Variants in NAP1L1 observed in about 807,000 individuals in gnomAD.
NAP1L1 encodes the protein nucleosome assembly protein 1 like 1.
Under a neutral mutation model 58.9 loss-of-function variants are expected in NAP1L1, and 9 were observed. The ratio of observed to expected loss-of-function variants is 0.15; its 90% confidence interval spans 0.09 to 0.27. The LOEUF (loss-of-function observed/expected upper bound fraction) is 0.27, where lower values mean the gene tolerates loss of function less well. Among genes scored for constraint, NAP1L1 ranks in the 10% least tolerant of loss-of-function variants. The probability of loss-of-function intolerance (pLI) is 1.00; values close to 1 mark genes in which losing one functional copy is unlikely to be tolerated. For missense variants in NAP1L1, 302 were observed against 458.8 expected, an observed-to-expected ratio of 0.66 and a Z score of 3.12; for synonymous variants, 130 against 138.3, an observed-to-expected ratio of 0.94 and a Z score of 0.42.
At position 76,043,749 on chromosome 12, in the gene NAP1L1, C is replaced by T. The variant is rs970636497; in HGVS notation, c.*4680G>A. On this transcript the variant is annotated 3_prime_UTR_variant, in exon 15 of 15. Transcript: ENST00000618691. ...CTCACCGTTCAGAGGTTCTTCCTCT[C>T]ACTTCACAAATTCCTACAGATTCTC... The T allele has an allele frequency of 1.3e-5, 2 of 152,148 alleles. No homozygotes were observed. Among genetic ancestry groups the T allele is most frequent in the Non-Finnish European group, 2.9e-5 (2 of 68,028 alleles). 9.4% of individuals were successfully genotyped at this position (152,148 alleles called of 1,614,324 possible). A position where few individuals can be genotyped will look rare whatever the true frequency, so the allele number is the denominator to read the frequency against.
intron 1 of NAP1L1, chr12:76,084,058 C>T (rs1317416449): frequency 1.3e-5 from 2 of 152,120 alleles, no homozygotes; most frequent in African/African-American, 4.8e-5. Context: ...CGTCCCTCCA[C>T]AGCCCCTCCC....
At chr12:76,080,198 T>C (rs187044250) in intron 1 of NAP1L1, among the ~76,000 whole-genome samples, 4 of 152,336 alleles carry the variant, frequency 2.6e-5, no homozygotes, top group Non-Finnish European at 5.9e-5. Flanking sequence ...AACATTCCTA[T>C]TGCCTAGTAA....
At position 76,047,276 on chromosome 12, in the gene NAP1L1, CG is replaced by C. The variant is rs1336505425; in HGVS notation, c.*1152del. On this transcript the variant is annotated 3_prime_UTR_variant, in exon 15 of 15. Coordinates refer to ENST00000618691, the MANE Select transcript of NAP1L1 (RefSeq NM_004537.7). The stretch of plus-strand genomic sequence containing the variant: ...TTTAATTACACAGTAAACAGAAGCA[CG>C]GGTAAGTGACATACTCATACTTTAA... 3.3e-5 allele frequency: 5 copies of C among 152,260 alleles called. No individual in the cohort carries two copies. The highest frequency in any genetic ancestry group is 1.2e-4 in the African/African-American group (5 of 41,354). The allele number at this position is 152,260 out of a possible 1,614,324, so 9.4% of individuals were successfully genotyped here.
rs138447651 is a variant in NAP1L1, at chr12:76,053,549, T to G, written c.771-199A>C. 3.3e-5 allele frequency among the ~76,000 whole-genome samples: 5 copies of G among 152,228 alleles called. No individual in the cohort carries two copies. The East Asian group carries it at 9.6e-4, about 29-fold the overall frequency. On this transcript the variant is annotated intron_variant, in intron 9 of 14. Transcript: ENST00000618691. ...CACATTTACAATTAGCACAAACACA[T>G]AGTATAATTTAAAGAAGCATTCCTC...
At chr12:76,059,743 C>G in intron 6 of NAP1L1, 55 bp downstream of exon 6, 3 of 1,225,626 alleles carry the variant, frequency 2.4e-6, no homozygotes, top group Middle Eastern at 1.9e-4. Flanking sequence ...ACATTTCTGA[C>G]AAGTCCTAAG....
chr12:76,051,829 A>G (rs934467607), intron 11 of NAP1L1, among the ~76,000 whole-genome samples: 1 of 152,178 alleles, frequency 6.6e-6, no homozygotes, highest in South Asian at 2.1e-4. Flanking sequence ...AGCCTGGCCA[A>G]CATGGTGAAA....
In NAP1L1 at chr12:76,037,712, T is replaced by C. The variant is rs1871082266; in HGVS notation, c.*10717A>G. On this transcript the variant is annotated 3_prime_UTR_variant, in exon 15 of 15. Coordinates refer to ENST00000618691, the MANE Select transcript of NAP1L1 (RefSeq NM_004537.7). The stretch of plus-strand genomic sequence containing the variant: ...ACCTTCCCAAATCCTCTGTAAACCT[T>C]TCATTCTTCAAAGCCCTATTCAAAT... The C allele has an allele frequency of 6.6e-6, 1 of 152,208 alleles. No individual in the cohort carries two copies. Among genetic ancestry groups the C allele is most frequent in the South Asian group, 2.1e-4 (1 of 4,832 alleles). 9.4% of individuals were successfully genotyped at this position (152,208 alleles called of 1,614,324 possible).
intron 4 of NAP1L1, among the ~76,000 whole-genome samples, chr12:76,064,707 A>G (rs927319899): frequency 6.6e-6 from 1 of 152,054 alleles, no homozygotes; most frequent in African/African-American, 2.4e-5. Flanking sequence ...TAAACTATGT[A>G]CTAATCAATT....
intron 1 of NAP1L1, chr12:76,084,037 C>T (rs990471659): frequency 9.9e-5 from 15 of 152,232 alleles, no homozygotes; most frequent in African/African-American, 3.6e-4. Flanking sequence ...CCCCTCCCCG[C>T]CTCGGGGACT....
intron 4 of NAP1L1, among the ~76,000 whole-genome samples, chr12:76,063,734 G>A (rs929273947): frequency 1.3e-5 from 2 of 151,920 alleles, no homozygotes; most frequent in African/African-American, 4.8e-5. Context: ...GGATGAGGCT[G>A]CAGTGAGCCG....
intron 1 of NAP1L1, among the ~76,000 whole-genome samples, chr12:76,074,927 T>A (rs1950113454): frequency 6.6e-6 from 1 of 152,178 alleles, no homozygotes; most frequent in African/African-American, 2.4e-5. Flanking sequence ...GCTAGGGACA[T>A]TGTCAAGACT....
chr12:76,059,684 G>GA, intron 6 of NAP1L1, 114 bp downstream of exon 6: 5 of 722,512 alleles, frequency 6.9e-6, no homozygotes. Flanking sequence ...ATTAAAAAAT[G>GA]AAAAAATACA....
intron 1 of NAP1L1, among the ~76,000 whole-genome samples, chr12:76,077,366 A>T (rs1259278831): frequency 6.6e-6 from 1 of 152,172 alleles, no homozygotes; most frequent in Non-Finnish European, 1.5e-5. Flanking sequence ...GGCTGACATC[A>T]ACTTTGTAGC....
chr12:76,055,995 C>G, intron 7 of NAP1L1, 38 bp downstream of exon 7: 1 of 1,601,558 alleles, frequency 6.2e-7, no homozygotes, highest in Non-Finnish European at 8.5e-7. Context: ...AAAGGTTTAC[C>G]CTTCAAAGTA....
In NAP1L1 at chr12:76,042,667, A is replaced by T. The variant is rs2136934813; in HGVS notation, c.*5762T>A. 1 of 152,282 alleles carries T rather than the reference A, an allele frequency of 6.6e-6. No individual in the cohort carries two copies. Among genetic ancestry groups the T allele is most frequent in the South Asian group, 2.1e-4 (1 of 4,820 alleles). The allele number at this position is 152,282 out of a possible 1,614,324, so 9.4% of individuals were successfully genotyped here. A position where few individuals can be genotyped will look rare whatever the true frequency, so the allele number is the denominator to read the frequency against. On this transcript the variant is annotated 3_prime_UTR_variant, in exon 15 of 15. Coordinates refer to ENST00000618691, the MANE Select transcript of NAP1L1 (RefSeq NM_004537.7). ...TGTTTGATTCAACTTCAAAGTATCC[A>T]CTGTGCGTTCAGTTTTTATGATACA...
intron 6 of NAP1L1, chr12:76,056,550 T>C (rs1341416977): frequency 8.9e-6 from 4 of 449,000 alleles, no homozygotes; most frequent in Non-Finnish European, 1.8e-5. Flanking sequence ...AAAATAGCAA[T>C]GCTAGAGAGG....
intron 14 of NAP1L1, chr12:76,048,867 G>A (rs941008456): frequency 1.7e-5 from 7 of 409,690 alleles, no homozygotes; most frequent in East Asian, 1.3e-4. Flanking sequence ...CCCAGTTCCC[G>A]AACACTCCTA....
At chr12:76,053,393 T>C in intron 9 of NAP1L1, 43 bp from the exon 10 acceptor site, 1 of 1,583,776 alleles carries the variant, frequency 6.3e-7, no homozygotes, top group South Asian at 1.2e-5. Flanking sequence ...TTGACAATCT[T>C]TCAACTGCTA....
intron 2 of NAP1L1, among the ~76,000 whole-genome samples, chr12:76,071,960 GAAA>G (rs59750917): frequency 6.9e-6 from 1 of 144,752 alleles, no homozygotes; most frequent in African/African-American, 2.6e-5. Flanking sequence ...GACTAGCCCA[GAAA>G]AAAAAAAAAA....
Sources: allele counts gnomAD v4.1 joint callset (sites outside exome capture counted in the v4.1 genomes callset), GRCh38; gene constraint gnomAD v4.1.1; transcripts MANE v1.5; gene names NCBI Gene and HGNC (gene_info 2026-07-23, HGNC 2026-07-21).